Variants in STXBP4 observed in about 807,000 individuals in gnomAD.
STXBP4 encodes the protein syntaxin binding protein 4.
In STXBP4, 55 loss-of-function variants were observed where a neutral mutation model predicts 76.1. The observed-to-expected ratio is 0.72, with a 90% CI of 0.58 to 0.91. The LOEUF (loss-of-function observed/expected upper bound fraction) is 0.91, where lower values mean the gene tolerates loss of function less well. STXBP4 is among the 40% of genes least tolerant of loss of function. STXBP4 has a pLI of 0.00. For missense variants in STXBP4, 618 were observed against 636.9 expected, an observed-to-expected ratio of 0.97 and a Z score of 0.32; for synonymous variants, 201 against 220.2, an observed-to-expected ratio of 0.91 and a Z score of 0.77.
intron 4 of STXBP4, among the ~76,000 whole-genome samples, chr17:54,996,101 A>C (rs2077797567): frequency 6.6e-6 from 1 of 151,882 alleles, no homozygotes; most frequent in South Asian, 2.1e-4. Context: ...CCTTTAGGTA[A>C]GTAAAAGTGC....
Position 55,078,193 on chromosome 17 carries a change from A to G in STXBP4, c.1304A>G (p.Glu435Gly), listed in dbSNP as rs767498884. Reference sequence around the variant, plus strand: ...ACTGAAAAGCTTCTTCATTTTGTAGAGGTAAGTTTTTCTGTTCTATTACAT... The same window carrying G: ...ACTGAAAAGCTTCTTCATTTTGTAGGGGTAAGTTTTTCTGTTCTATTACAT... ...ASTEKLLHFV[E>G]AIQEVFSDNS... Residue 435 changes from glutamate to glycine, a missense_variant and splice_region_variant, in exon 14 of 18, where the codon GAG becomes GGG. By Grantham distance (98) the Glu-to-Gly change is moderately conservative. Coordinates refer to ENST00000376352, the MANE Select transcript of STXBP4 (RefSeq NM_178509.6). 4.4e-6 allele frequency: 7 copies of G among 1,600,142 alleles called. No individual in the cohort carries two copies. In the Admixed American group the frequency reaches 5.2e-5, roughly 12 times the overall value.
rs1390256064 is a variant in STXBP4, at chr17:55,012,147, C to A, written c.666+4550C>A. On this transcript the variant is annotated intron_variant, in intron 8 of 17. Transcript: ENST00000376352. ...AAGATACAGGGATTGAAATGTATAG[C>A]CTGCAGTGCAGGGGATTATTTCTTT... Among the ~76,000 whole-genome samples the A allele has an allele frequency of 2.0e-5, 3 of 152,148 alleles. No individual in the cohort carries two copies. In the South Asian group the frequency reaches 6.2e-4, roughly 32 times the overall value.
chr17:54,982,594 T>TTG (rs61223151), intron 1 of STXBP4, among the ~76,000 whole-genome samples: 26,942 of 148,970 alleles, frequency 0.18, 2,621 homozygotes, highest in Middle Eastern at 0.35. Flanking sequence ...TGAGGGTGGT[T>TTG]TGTGTGTGTG....
At chr17:54,995,161 C>T (rs2077779830) in intron 4 of STXBP4, among the ~76,000 whole-genome samples, 1 of 152,122 alleles carries the variant, frequency 6.6e-6, no homozygotes, top group Admixed American at 6.5e-5. Context: ...TACATACTTG[C>T]TCAATTTAAA....
At chr17:54,997,266 C>A (rs958668758) in intron 4 of STXBP4, among the ~76,000 whole-genome samples, 1 of 152,044 alleles carries the variant, frequency 6.6e-6, no homozygotes, top group Non-Finnish European at 1.5e-5. Flanking sequence ...AAAAAACTAA[C>A]TGCTATGAAT....
intron 16 of STXBP4, among the ~76,000 whole-genome samples, chr17:55,088,321 G>A (rs2079364989): frequency 6.6e-6 from 1 of 152,210 alleles, no homozygotes; most frequent in South Asian, 2.1e-4. Flanking sequence ...CTTAATATAA[G>A]TGTTCTCTAG....
At chr17:55,179,730 T>C in the STXBP4 span, among the ~76,000 whole-genome samples, 2 of 152,240 alleles carry the variant, frequency 1.3e-5, no homozygotes, top group African/African-American at 4.8e-5. Context: ...TTTTATCTTA[T>C]GATTTTCTTA....
At chr17:55,084,272 A>G (rs2144928994) in intron 16 of STXBP4, among the ~76,000 whole-genome samples, 1 of 152,276 alleles carries the variant, frequency 6.6e-6, no homozygotes. Context: ...GGCTGCATAA[A>G]TGTCTTCTTT....
chr17:55,114,352 A>G (rs2079757898), intron 16 of STXBP4, among the ~76,000 whole-genome samples: 1 of 152,104 alleles, frequency 6.6e-6, no homozygotes, highest in Admixed American at 6.6e-5. Context: ...TATTTAAGTC[A>G]AATATGGCCT....
intron 16 of STXBP4, among the ~76,000 whole-genome samples, chr17:55,125,053 A>G (rs557922579): frequency 6.6e-6 from 1 of 152,316 alleles, no homozygotes; most frequent in East Asian, 1.9e-4. Context: ...GCTTTACCAT[A>G]AGAATTTTTA....
At chr17:54,970,438 C>T (rs899742449) in intron 1 of STXBP4, among the ~76,000 whole-genome samples, 2 of 152,136 alleles carry the variant, frequency 1.3e-5, no homozygotes, top group Non-Finnish European at 2.9e-5. Flanking sequence ...AACTTGTGGT[C>T]ACAGGGCCAG....
rs773851438 is a variant in STXBP4 at position 55,073,038 on chromosome 17, CTAAA to C, written c.1151_1154del (p.Leu384ArgfsTer18). 3 of 1,613,752 alleles carry C rather than the reference CTAAA, an allele frequency of 1.9e-6. No homozygotes were observed. Among genetic ancestry groups the C allele is most frequent in the Non-Finnish European group, 2.5e-6 (3 of 1,179,868 alleles). On this transcript the variant is annotated frameshift_variant, in exon 13 of 18. Transcript: ENST00000376352. LOFTEE classifies it high-confidence loss of function. ...TCTGTTAGAGGCCAAGATTACAGAGCTAAAGGCTCAGCTTGCTGATTATTCTGAC... is the reference window on the plus strand; with the variant it reads ...TCTGTTAGAGGCCAAGATTACAGAGCGGCTCAGCTTGCTGATTATTCTGAC...
chr17:55,179,512 C>G, the STXBP4 span, among the ~76,000 whole-genome samples: 1 of 152,092 alleles, frequency 6.6e-6, no homozygotes, highest in African/African-American at 2.4e-5. Flanking sequence ...AGGCAAAAAG[C>G]TATATACAGT....
intron 17 of STXBP4, among the ~76,000 whole-genome samples, chr17:55,146,285 A>C (rs904307245): frequency 6.6e-6 from 1 of 152,202 alleles, no homozygotes; most frequent in African/African-American, 2.4e-5. Flanking sequence ...AGCTTAAACC[A>C]ATATGTATTT....
At chr17:54,974,743 G>A (rs1164858794) in intron 1 of STXBP4, among the ~76,000 whole-genome samples, 2 of 152,234 alleles carry the variant, frequency 1.3e-5, no homozygotes, top group Non-Finnish European at 2.9e-5. Context: ...TTTTATTGAA[G>A]TGGCATTGTA....
chr17:55,000,350 C>T, intron 6 of STXBP4: 1 of 675,060 alleles, frequency 1.5e-6, no homozygotes, highest in Non-Finnish European at 1.8e-6. Context: ...TTAACATACT[C>T]AATTACTAAC....
chr17:54,986,235 T>G lies in STXBP4; in HGVS notation c.16T>G (p.Ser6Ala), dbSNP rs764561371. Residue 6 changes from serine (S) to alanine (A), a missense_variant, in exon 3 of 18, where the codon TCT (serine) becomes GCT (alanine). Coordinates refer to ENST00000376352, the MANE Select transcript of STXBP4 (RefSeq NM_178509.6). ...TGGTGAAAGCATGAATAAAAATACATCTACTGTAGTATCACCCAGTCTACT... is the reference window on the plus strand; with the variant it reads ...TGGTGAAAGCATGAATAAAAATACAGCTACTGTAGTATCACCCAGTCTACT... MNKNTSTVVSPSLLEK... is the reference protein window; with the variant it reads MNKNTATVVSPSLLEK... 1 of 1,603,640 alleles carries G rather than the reference T, an allele frequency of 6.2e-7. No homozygotes were observed. Among genetic ancestry groups the G allele is most frequent in the South Asian group, 1.1e-5 (1 of 88,482 alleles).
chr17:55,157,481 T>C (rs2080292146), intron 17 of STXBP4, among the ~76,000 whole-genome samples: 1 of 152,190 alleles, frequency 6.6e-6, no homozygotes, highest in Non-Finnish European at 1.5e-5. Flanking sequence ...TAATAAGAAA[T>C]TCCATTAAAC....
chr17:55,212,936 C>T, the STXBP4 span, among the ~76,000 whole-genome samples: 91 of 152,158 alleles, frequency 6.0e-4, no homozygotes, highest in Non-Finnish European at 1.2e-3. Flanking sequence ...GGAGGACACG[C>T]ATGAACCCTA....
Sources: allele counts gnomAD v4.1 joint callset (sites outside exome capture counted in the v4.1 genomes callset), GRCh38; gene constraint gnomAD v4.1.1; transcripts MANE v1.5; gene names NCBI Gene and HGNC (gene_info 2026-07-23, HGNC 2026-07-21).